Variants in NET1 observed in about 807,000 individuals in gnomAD.
NET1 encodes neuroepithelial cell-transforming gene 1 protein.
NET1 carries 42 observed loss-of-function variants against 61.1 expected under a neutral mutation model. The ratio of observed to expected loss-of-function variants is 0.69; its 90% CI spans 0.54 to 0.89. The LOEUF (loss-of-function observed/expected upper bound fraction) is 0.89. Among genes scored for constraint, NET1 ranks in the 40% least tolerant of loss-of-function variants. NET1 has a pLI of 0.00. For missense variants in NET1, 654 were observed against 747.3 expected, an observed-to-expected ratio of 0.88 and a Z score of 1.46; for synonymous variants, 254 against 281.8, an observed-to-expected ratio of 0.90 and a Z score of 0.99.
chr10:5,418,515 G>A (rs139141325), intron 1 of NET1, among the ~76,000 whole-genome samples: 77 of 152,054 alleles, frequency 5.1e-4, no homozygotes, highest in African/African-American at 1.7e-3. Flanking sequence ...TCTGATTCTT[G>A]TAATTTGTGT....
chr10:5,451,832 G>T lies in NET1; in HGVS notation c.258G>T (p.Glu86Asp), dbSNP rs775748520. 6.2e-6 allele frequency: 10 copies of T among 1,612,702 alleles called. No individual in the cohort carries two copies. Among genetic ancestry groups the T allele is most frequent in the South Asian group, 1.1e-5 (1 of 90,978 alleles). ...VVSLSSLDLK[E>D]PSNKRVRPLA... ...TGTCATCTGGTTTGTTTTTATAGGA[G>T]CCAAGCAATAAAAGAGTTCGACCTC... Residue 86 changes from glutamate to aspartate, a missense_variant and splice_region_variant, in exon 4 of 12, where the codon GAG (glutamate) becomes GAT (aspartate). Transcript: ENST00000355029. The surrounding 1 kb of genome is among the most constrained non-coding windows in gnomAD (Gnocchi z 6.1).
In NET1 at chr10:5,453,585, G is replaced by C. The variant is rs902373033; in HGVS notation, c.768+25G>C. On this transcript the variant is annotated intron_variant, in intron 8 of 11. Coordinates refer to ENST00000355029, the MANE Select transcript of NET1 (RefSeq NM_001047160.3). The surrounding 1 kb of genome is among the most constrained non-coding windows in gnomAD (Gnocchi z 4.9). ...GGTATGTAGTGAGTTGTTGACCCCA[G>C]ATACAGTTTCTTACAGATGTGCCAT... The C allele has an allele frequency of 6.2e-7, 1 of 1,600,084 alleles. No individual in the cohort carries two copies. The highest frequency in any genetic ancestry group is 8.6e-7 in the Non-Finnish European group (1 of 1,167,372).
rs1035735239 is a variant in NET1 at position 5,420,378 on chromosome 10, T to C, written c.129-6277T>C. On this transcript the variant is annotated intron_variant, in intron 1 of 11. Transcript: ENST00000355029. This position sits in a 1 kb window ranked among gnomAD's most constrained non-coding sequence, Gnocchi z 5.3. ...AGTGAGATATTATAATATACAATTT[T>C]TATAACTCAGGTGGAATATATTTGG... 6.6e-6 allele frequency among the ~76,000 whole-genome samples: 1 copy of C among 152,192 alleles called. No individual in the cohort carries two copies. Among genetic ancestry groups the C allele is most frequent in the African/African-American group, 2.4e-5 (1 of 41,438 alleles).
chr10:5,447,270 C>T lies in NET1; in HGVS notation c.256-4560C>T, dbSNP rs1166622825. Among the ~76,000 whole-genome samples the T allele has an allele frequency of 6.6e-6, 1 of 152,154 alleles. No homozygotes were observed. The highest frequency in any genetic ancestry group is 1.5e-5 in the Non-Finnish European group (1 of 68,032). On this transcript the variant is annotated intron_variant, in intron 3 of 11. Coordinates refer to ENST00000355029, the MANE Select transcript of NET1 (RefSeq NM_001047160.3). The surrounding 1 kb of genome is among the most constrained non-coding windows in gnomAD (Gnocchi z 4.1). ...GAACAAATTGCAACTAAAGTTTAGT[C>T]TGACCTGGTGTGCATTTTTCTTCCA... is the stretch of plus-strand genomic sequence containing the variant.
rs1028313325 is a variant in NET1 at position 5,446,684 on chromosome 10, C to T, written c.256-5146C>T. 5.8e-6 allele frequency: 8 copies of T among 1,378,956 alleles called. No homozygotes were observed. In the Admixed American group the frequency reaches 9.7e-5, roughly 17 times the overall value. 85.4% of individuals were successfully genotyped at this position (1,378,956 alleles called of 1,614,324 possible). A position where few individuals can be genotyped will look rare whatever the true frequency, so the allele number is the denominator to read the frequency against. Reference sequence around the variant, plus strand: ...GGTGGCCGAGCTCTGGGAAGAAAAGCCCGTGTGCCTCTGCATAGCGTCGCT... The same window carrying T: ...GGTGGCCGAGCTCTGGGAAGAAAAGTCCGTGTGCCTCTGCATAGCGTCGCT... On this transcript the variant is annotated intron_variant, in intron 3 of 11. Transcript: ENST00000355029. This position sits in a 1 kb window ranked among gnomAD's most constrained non-coding sequence, Gnocchi z 5.0.
chr10:5,448,721 T>A (rs1321826764), intron 3 of NET1, among the ~76,000 whole-genome samples: 2 of 150,012 alleles, frequency 1.3e-5, no homozygotes, highest in African/African-American at 4.9e-5. Flanking sequence ...TTCGTATCTG[T>A]TCTTTAAGCT....
At chr10:5,430,615 C>T (rs1441478473) in intron 3 of NET1, among the ~76,000 whole-genome samples, 2 of 152,020 alleles carry the variant, frequency 1.3e-5, no homozygotes, top group African/African-American at 4.8e-5. Flanking sequence ...CTCGGCCCCA[C>T]AAAGTGCTGG....
At position 5,456,575 on chromosome 10, in the gene NET1, T is replaced by A. The variant is rs759134085; in HGVS notation, c.1385-13T>A. On this transcript the variant is annotated splice_polypyrimidine_tract_variant and intron_variant, in intron 11 of 11. Transcript: ENST00000355029. The surrounding 1 kb of genome is among the most constrained non-coding windows in gnomAD (Gnocchi z 7.0). The stretch of plus-strand genomic sequence containing the variant: ...AGCCTGATTTCTTTTTTTTTTCCAA[T>A]TTTTTTTTTCAGCTAAAAATATCTT... 2.1e-6 allele frequency: 3 copies of A among 1,430,320 alleles called. No homozygotes were observed. The South Asian group carries it at 4.4e-5, about 21-fold the overall frequency. The allele number at this position is 1,430,320 out of a possible 1,614,324, so 88.6% of individuals were successfully genotyped here.
chr10:5,438,651 C>T (rs1038472508), intron 3 of NET1, among the ~76,000 whole-genome samples: 1 of 152,168 alleles, frequency 6.6e-6, no homozygotes, highest in Non-Finnish European at 1.5e-5. Flanking sequence ...GTAAATTCTA[C>T]CAAACATTTA....
chr10:5,451,911 G>A lies in NET1; in HGVS notation c.337G>A (p.Val113Ile). Residue 113 changes from valine (V) to isoleucine (I), a missense_variant, in exon 4 of 12, where the codon GTC (valine) becomes ATC (isoleucine). Physicochemically the swap from Val to Ile is conservative, Grantham distance 29. Coordinates refer to ENST00000355029, the MANE Select transcript of NET1 (RefSeq NM_001047160.3). This position sits in a 1 kb window ranked among gnomAD's most constrained non-coding sequence, Gnocchi z 6.1. ...AATCTCTCCTGTAAGAAATGGAGCT[G>A]TCAGACGTTTTGGTCAAACAATACA... ...NLISPVRNGA[V>I]RRFGQTIQSF... 1 of 1,613,914 alleles carries A rather than the reference G, an allele frequency of 6.2e-7. No homozygotes were observed.
At chr10:5,428,478 G>A in intron 2 of NET1, among the ~76,000 whole-genome samples, 1 of 120,806 alleles carries the variant, frequency 8.3e-6, no homozygotes, top group African/African-American at 3.2e-5. Context: ...TTGCCCCCAA[G>A]ATAAATAATG....
At position 5,435,161 on chromosome 10, in the gene NET1, A is replaced by G. The variant is rs1176454673; in HGVS notation, c.255+5932A>G. Among the ~76,000 whole-genome samples, 2 of 152,216 alleles carry G rather than the reference A, an allele frequency of 1.3e-5. No individual in the cohort carries two copies. Among genetic ancestry groups the G allele is most frequent in the African/African-American group, 4.8e-5 (2 of 41,456 alleles). ...GCTTGTGTAGCAGGAGAAGTGTGCT[A>G]CGGGACCTATTCCAGACCAATTCCA... On this transcript the variant is annotated intron_variant, in intron 3 of 11. Coordinates refer to ENST00000355029, the MANE Select transcript of NET1 (RefSeq NM_001047160.3). The surrounding 1 kb of genome is among the most constrained non-coding windows in gnomAD (Gnocchi z 5.0).
chr10:5,428,686 G>C (rs1323424728), intron 2 of NET1, among the ~76,000 whole-genome samples: 3 of 151,040 alleles, frequency 2.0e-5, no homozygotes, highest in Non-Finnish European at 4.4e-5. Flanking sequence ...CTATTCCAAA[G>C]ACAATTCATG....
rs1028629430 is a variant in NET1 at position 5,453,960 on chromosome 10, T to C, written c.769-305T>C. On this transcript the variant is annotated intron_variant, in intron 8 of 11. Transcript: ENST00000355029. This position sits in a 1 kb window ranked among gnomAD's most constrained non-coding sequence, Gnocchi z 4.9. ...GGAATAGCCAAGCACATAAACAGTC[T>C]CAGGGCTGGTGGCAAATGGAGGACA... Among the ~76,000 whole-genome samples, 7 of 152,108 alleles carry C rather than the reference T, an allele frequency of 4.6e-5. No homozygotes were observed. The highest frequency in any genetic ancestry group is 4.6e-4 in the Admixed American group (7 of 15,270).
Position 5,454,103 on chromosome 10 carries a change from C to T in NET1, c.769-162C>T, listed in dbSNP as rs150114614. Among the ~76,000 whole-genome samples the T allele has an allele frequency of 0.011, 1,663 of 152,248 alleles. 15 individuals carry two copies. The highest frequency in any genetic ancestry group is 0.031 in the Middle Eastern group (9 of 294). ...AATTTGAAGAGCATTTTGATGATTGCTAAAATGCTATTCAGCTTCCATTAT... is the reference window on the plus strand; with the variant it reads ...AATTTGAAGAGCATTTTGATGATTGTTAAAATGCTATTCAGCTTCCATTAT... On this transcript the variant is annotated intron_variant, in intron 8 of 11. Transcript: ENST00000355029. This position sits in a 1 kb window ranked among gnomAD's most constrained non-coding sequence, Gnocchi z 8.1.
rs1336490306 is a variant in NET1 at position 5,427,173 on chromosome 10, A to G, written c.195+452A>G. 6.6e-6 allele frequency among the ~76,000 whole-genome samples: 1 copy of G among 152,116 alleles called. No individual in the cohort carries two copies. Among genetic ancestry groups the G allele is most frequent in the African/African-American group, 2.4e-5 (1 of 41,446 alleles). The stretch of plus-strand genomic sequence containing the variant: ...CATAGAGGGACTCTATTATTTTTAT[A>G]GCAGGACTTTACAGAGGCATTTAAT... On this transcript the variant is annotated intron_variant, in intron 2 of 11. Coordinates refer to ENST00000355029, the MANE Select transcript of NET1 (RefSeq NM_001047160.3). This position sits in a 1 kb window ranked among gnomAD's most constrained non-coding sequence, Gnocchi z 4.1.
At chr10:5,430,048 TTTC>T (rs1832324106) in intron 3 of NET1, among the ~76,000 whole-genome samples, 3 of 152,232 alleles carry the variant, frequency 2.0e-5, no homozygotes, top group Admixed American at 1.3e-4. Flanking sequence ...AGTCAATTTT[TTTC>T]TTATTTTTAG....
Position 5,422,397 on chromosome 10 carries a change from G to C in NET1, c.129-4258G>C, listed in dbSNP as rs1456879674. ...TCACTCCTCTTGGGTAAATTCTTGG[G>C]GGTGGAATTATCAGGTCCTACGGTA... is the stretch of plus-strand genomic sequence containing the variant. On this transcript the variant is annotated intron_variant, in intron 1 of 11. Coordinates refer to ENST00000355029, the MANE Select transcript of NET1 (RefSeq NM_001047160.3). The surrounding 1 kb of genome is among the most constrained non-coding windows in gnomAD (Gnocchi z 4.1). 6.6e-6 allele frequency among the ~76,000 whole-genome samples: 1 copy of C among 152,144 alleles called. No homozygotes were observed.
In NET1 at chr10:5,451,871, G is replaced by A. The variant is rs753601768; in HGVS notation, c.297G>A (p.Thr99=). ...GAGTTCGACCTCTGGCTCGTGTCAC[G>A]TCCTTGGCAAATTTAATCTCTCCTG... is the stretch of plus-strand genomic sequence containing the variant. ...NKRVRPLARV[T]SLANLISPVR... Residue 99 remains threonine, a synonymous_variant, in exon 4 of 12, where the codon ACG becomes ACA. Transcript: ENST00000355029. The surrounding 1 kb of genome is among the most constrained non-coding windows in gnomAD (Gnocchi z 6.1). The A allele has an allele frequency of 5.9e-5, 95 of 1,613,930 alleles. No individual in the cohort carries two copies. The highest frequency in any genetic ancestry group is 4.9e-4 in the South Asian group (45 of 91,074).
Sources: gnomAD v4.1 joint callset for allele counts (sites outside exome capture counted in the v4.1 genomes callset) on GRCh38, gnomAD v4.1.1 for gene constraint, Gnocchi (gnomAD v3.1) non-coding constraint, MANE v1.5 for transcripts, NCBI Gene and HGNC (gene_info 2026-07-23, HGNC 2026-07-21) for gene names.